The following EYS variants were observed in gnomAD, a reference collection of about 807,000 sequenced individuals.
EYS encodes the protein protein eyes shut homolog.
In EYS, 250 loss-of-function variants were observed where a neutral mutation model predicts 282.1. The ratio of observed to expected loss-of-function variants is 0.89; its 90% CI spans 0.80 to 0.98. The LOEUF (loss-of-function observed/expected upper bound fraction) is 0.98. Among genes scored for constraint, EYS ranks in the 50% least tolerant of loss-of-function variants. EYS has a pLI of 0.00. For synonymous variants in EYS, 1,355 were observed against 1,282.9 expected, an observed-to-expected ratio of 1.06 and a Z score of -1.20; for missense variants, 4,016 against 3,709.0, an observed-to-expected ratio of 1.08 and a Z score of -2.15.
At chr6:64,471,279 G>C (rs1001828652) in intron 26 of EYS, among the ~76,000 whole-genome samples, 1 of 152,112 alleles carries the variant, frequency 6.6e-6, no homozygotes, top group Non-Finnish European at 1.5e-5. Context: ...AAGCCATCAA[G>C]ATTAGAAAAG....
At chr6:64,684,852 G>T (rs1461048511) in intron 22 of EYS, among the ~76,000 whole-genome samples, 1 of 151,872 alleles carries the variant, frequency 6.6e-6, no homozygotes, top group Admixed American at 6.6e-5. Flanking sequence ...TAACTGAAAA[G>T]AAGACAGAAT....
At chr6:64,322,671 T>C (rs1158540256) in intron 29 of EYS, among the ~76,000 whole-genome samples, 1 of 152,082 alleles carries the variant, frequency 6.6e-6, no homozygotes, top group African/African-American at 2.4e-5. Flanking sequence ...CAAATAATCA[T>C]TTTCTCTGGA....
At chr6:63,819,588 T>C (rs534423467) in intron 36 of EYS, among the ~76,000 whole-genome samples, 19 of 152,344 alleles carry the variant, frequency 1.2e-4, no homozygotes, top group Admixed American at 1.2e-3. Context: ...GTTGGCCCAG[T>C]TGATGCTGCC....
intron 22 of EYS, among the ~76,000 whole-genome samples, chr6:64,647,126 G>A (rs1296468536): frequency 6.6e-6 from 1 of 152,080 alleles, no homozygotes; most frequent in Admixed American, 6.6e-5. Flanking sequence ...TAATACTGAA[G>A]TAACTGTATG....
chr6:65,275,352 A>T (rs768836435), intron 12 of EYS, among the ~76,000 whole-genome samples: 11 of 152,190 alleles, frequency 7.2e-5, no homozygotes, highest in Non-Finnish European at 1.3e-4. Flanking sequence ...ATTAGATGTT[A>T]TTAACCCACC....
At chr6:64,481,489 T>G (rs1293008164) in intron 26 of EYS, among the ~76,000 whole-genome samples, 1 of 149,446 alleles carries the variant, frequency 6.7e-6, no homozygotes, top group African/African-American at 2.4e-5. Context: ...TCTCTGAAAT[T>G]CAAAGCAAAA....
chr6:63,963,596 C>G (rs1382006094), intron 35 of EYS, among the ~76,000 whole-genome samples: 1 of 152,108 alleles, frequency 6.6e-6, no homozygotes, highest in African/African-American at 2.4e-5. Flanking sequence ...GGCGAGGGGA[C>G]AGCTTATTGC....
At chr6:64,094,996 T>G (rs538590782) in intron 31 of EYS, among the ~76,000 whole-genome samples, 1 of 152,348 alleles carries the variant, frequency 6.6e-6, no homozygotes, top group African/African-American at 2.4e-5. Context: ...TATTTCTGCC[T>G]TCATTTCATT....
chr6:64,575,799 G>T (rs1765862339), intron 26 of EYS, among the ~76,000 whole-genome samples: 1 of 152,116 alleles, frequency 6.6e-6, no homozygotes, highest in Non-Finnish European at 1.5e-5. Flanking sequence ...TAAATGAGTT[G>T]TGACAGCAGT....
At chr6:64,045,814 TAC>T (rs1770595288) in intron 33 of EYS, among the ~76,000 whole-genome samples, 1 of 150,706 alleles carries the variant, frequency 6.6e-6, no homozygotes, top group African/African-American at 2.4e-5. Context: ...TATGTATGTG[TAC>T]ATTGATATAT....
At chr6:64,770,245 G>A (rs1009348546) in intron 22 of EYS, among the ~76,000 whole-genome samples, 1 of 151,926 alleles carries the variant, frequency 6.6e-6, no homozygotes, top group South Asian at 2.1e-4. Flanking sequence ...CATATTTCAG[G>A]TGGAAAGGAT....
intron 30 of EYS, among the ~76,000 whole-genome samples, chr6:64,245,998 G>A (rs902704115): frequency 2.6e-5 from 3 of 115,312 alleles, no homozygotes; most frequent in East Asian, 2.8e-4. Flanking sequence ...CAGCCTGGGC[G>A]ACAGAGCGAA....
intron 26 of EYS, among the ~76,000 whole-genome samples, chr6:64,553,557 C>G (rs914169669): frequency 3.6e-5 from 5 of 137,102 alleles, no homozygotes; most frequent in Non-Finnish European, 7.9e-5. Flanking sequence ...CCCCCCCCCC[C>G]CATAGGCAGT....
At chr6:64,123,271 C>G (rs1024772441) in intron 31 of EYS, among the ~76,000 whole-genome samples, 3 of 152,088 alleles carry the variant, frequency 2.0e-5, no homozygotes, top group African/African-American at 7.2e-5. Flanking sequence ...ATAGAGAAAA[C>G]AAGGCCTCAT....
intron 18 of EYS, among the ~76,000 whole-genome samples, chr6:64,894,086 AT>A (rs1767376923): frequency 6.6e-6 from 1 of 152,132 alleles, no homozygotes; most frequent in African/African-American, 2.4e-5. Context: ...TCAATCATAC[AT>A]TTTAATAAAT....
chr6:64,681,224 G>T (rs1332924849), intron 22 of EYS, among the ~76,000 whole-genome samples: 1 of 152,110 alleles, frequency 6.6e-6, no homozygotes, highest in East Asian at 1.9e-4. Flanking sequence ...AAGACAGGAA[G>T]AAACTGAAGA....
rs372171718 is a variant in EYS, at chr6:64,840,213, A to G, written c.2993-17391T>C. Reference sequence around the variant, plus strand: ...CTACTTTACATATTATTGCTATAAGATTATCATGGTGTTTAAAATGGTCAC... The same window carrying G: ...CTACTTTACATATTATTGCTATAAGGTTATCATGGTGTTTAAAATGGTCAC... On this transcript the variant is annotated intron_variant, in intron 19 of 42. Transcript: ENST00000503581. Among the ~76,000 whole-genome samples the G allele has an allele frequency of 1.7e-3, 256 of 152,202 alleles. 1 individual carries two copies. The highest frequency in any genetic ancestry group is 5.9e-3 in the African/African-American group (246 of 41,560).
chr6:64,566,241 T>C lies in EYS; in HGVS notation c.5644+23982A>G, dbSNP rs1446797711. Among the ~76,000 whole-genome samples, 3 of 152,170 alleles carry C rather than the reference T, an allele frequency of 2.0e-5. No individual in the cohort carries two copies. In the East Asian group the frequency reaches 5.8e-4, roughly 29 times the overall value. ...CTGTAGACAAACAAATGGAACAAAG[T>C]ATACTATCTCTCTGTATTCTTTCTT... On this transcript the variant is annotated intron_variant, in intron 26 of 42. Transcript: ENST00000503581.
At chr6:64,533,275 G>C (rs1022201665) in intron 26 of EYS, among the ~76,000 whole-genome samples, 108 of 152,114 alleles carry the variant, frequency 7.1e-4, no homozygotes, top group African/African-American at 2.6e-3. Context: ...AAAAAAGAGT[G>C]GAACAAAAGA....
Sources: allele counts gnomAD v4.1 joint callset (sites outside exome capture counted in the v4.1 genomes callset), GRCh38; gene constraint gnomAD v4.1.1; transcripts MANE v1.5; gene names NCBI Gene and HGNC (gene_info 2026-07-23, HGNC 2026-07-21).